Variants in CAMTA1 observed in about 807,000 individuals in gnomAD.
CAMTA1 encodes the protein calmodulin binding transcription activator 1, also known as calmodulin-binding transcription activator 1.
In CAMTA1, 27 loss-of-function variants were observed where a neutral mutation model predicts 170.9. That is an observed-to-expected ratio of 0.16 (90% CI 0.12 to 0.22). The LOEUF is 0.22. Among genes scored for constraint, CAMTA1 ranks in the 10% least tolerant of loss-of-function variants. The pLI, the probability that CAMTA1 is intolerant of heterozygous loss-of-function variation, is 1.00. For synonymous variants in CAMTA1, 833 were observed against 891.5 expected, an observed-to-expected ratio of 0.93 and a Z score of 1.17; for missense variants, 1,619 against 2,217.2, an observed-to-expected ratio of 0.73 and a Z score of 5.42.
rs12561833 is a variant in CAMTA1, at chr1:7,436,602, G to T, written c.439-31228G>T. 2.5e-3 allele frequency among the ~76,000 whole-genome samples: 388 copies of T among 152,310 alleles called. 6 individuals carry two copies. The East Asian group carries it at 0.041, about 16-fold the overall frequency. Reference sequence around the variant, plus strand: ...CGGTAAGGGGTCCCTCCTTGCCAGGGCCTGGTCCCTCCTCCCAGCTCCCCA... The same window carrying T: ...CGGTAAGGGGTCCCTCCTTGCCAGGTCCTGGTCCCTCCTCCCAGCTCCCCA... On this transcript the variant is annotated intron_variant, in intron 5 of 22. Coordinates refer to ENST00000303635, the MANE Select transcript of CAMTA1 (RefSeq NM_015215.4).
intron 5 of CAMTA1, among the ~76,000 whole-genome samples, chr1:7,423,367 G>A (rs550872689): frequency 6.6e-6 from 1 of 152,062 alleles, no homozygotes; most frequent in Admixed American, 6.5e-5. Flanking sequence ...CTACTTGGGA[G>A]GCTGAGGCAG....
At chr1:6,866,171 T>A (rs1051163085) in intron 3 of CAMTA1, among the ~76,000 whole-genome samples, 3 of 152,234 alleles carry the variant, frequency 2.0e-5, no homozygotes, top group African/African-American at 7.2e-5. Context: ...ATTGTGAACT[T>A]GTAATCAGAC....
At chr1:7,370,375 C>G (rs2086346688) in intron 5 of CAMTA1, 1 of 152,198 alleles carries the variant, frequency 6.6e-6, no homozygotes, top group Non-Finnish European at 1.5e-5. Flanking sequence ...CAACTATGCT[C>G]TGTGTTTTAT....
intron 4 of CAMTA1, among the ~76,000 whole-genome samples, chr1:7,166,582 G>A (rs1648489776): frequency 6.6e-6 from 1 of 152,128 alleles, no homozygotes; most frequent in South Asian, 2.1e-4. Context: ...TCTTCTCATA[G>A]AGGGTTATTG....
chr1:7,076,383 G>A lies in CAMTA1; in HGVS notation c.235-14921G>A, dbSNP rs115944948. Among the ~76,000 whole-genome samples, 1,048 of 152,282 alleles carry A rather than the reference G, an allele frequency of 6.9e-3. 18 individuals carry two copies. Among genetic ancestry groups the A allele is most frequent in the African/African-American group, 0.024 (999 of 41,558 alleles). On this transcript the variant is annotated intron_variant, in intron 3 of 22. Transcript: ENST00000303635. ...GGTTTTCAGGAAGATATATTTGATTGTGTTTTTTCCCTGCAGCCCATGCTG... is the reference window on the plus strand; with the variant it reads ...GGTTTTCAGGAAGATATATTTGATTATGTTTTTTCCCTGCAGCCCATGCTG...
chr1:7,734,406 C>T (rs1002110104), intron 12 of CAMTA1, among the ~76,000 whole-genome samples: 1 of 152,210 alleles, frequency 6.6e-6, no homozygotes, highest in African/African-American at 2.4e-5. Context: ...GCAGCTGGCT[C>T]AAACGCTATG....
At chr1:7,371,111 C>G (rs1414759876) in intron 5 of CAMTA1, among the ~76,000 whole-genome samples, 1 of 151,976 alleles carries the variant, frequency 6.6e-6, no homozygotes, top group Non-Finnish European at 1.5e-5. Flanking sequence ...CAGGGTTTCA[C>G]CGTGTTATCC....
chr1:7,682,937 C>T lies in CAMTA1; in HGVS notation c.2914+5204C>T, dbSNP rs553688065. 2.6e-5 allele frequency among the ~76,000 whole-genome samples: 4 copies of T among 152,168 alleles called. No homozygotes were observed. Among genetic ancestry groups the T allele is most frequent in the East Asian group, 1.9e-4 (1 of 5,170 alleles). On this transcript the variant is annotated intron_variant, in intron 11 of 22. Coordinates refer to ENST00000303635, the MANE Select transcript of CAMTA1 (RefSeq NM_015215.4). This position sits in a 1 kb window ranked among gnomAD's most constrained non-coding sequence, Gnocchi z 5.0. ...CTGTGATCCCAGCACTTTGGGAGGC[C>T]GAGGCAGGCGGATCACAAGGTCAGG...
At chr1:7,027,909 CTT>C (rs1174239473) in intron 3 of CAMTA1, among the ~76,000 whole-genome samples, 8 of 143,204 alleles carry the variant, frequency 5.6e-5, no homozygotes, top group Middle Eastern at 3.6e-3. Context: ...TTTTTCTTTT[CTT>C]TTTTTTTTTT....
chr1:7,297,352 G>T (rs772326486), intron 5 of CAMTA1, among the ~76,000 whole-genome samples: 2 of 152,150 alleles, frequency 1.3e-5, no homozygotes, highest in Admixed American at 1.3e-4. Flanking sequence ...TTTTTATTTT[G>T]CCCTTATTCC....
At chr1:7,208,553 A>G (rs1658180501) in intron 4 of CAMTA1, among the ~76,000 whole-genome samples, 1 of 152,166 alleles carries the variant, frequency 6.6e-6, no homozygotes, top group Non-Finnish European at 1.5e-5. Context: ...GAAGGTGTAA[A>G]TCAAGCCAGC....
intron 6 of CAMTA1, among the ~76,000 whole-genome samples, chr1:7,509,696 G>C (rs759300501): frequency 1.3e-5 from 2 of 152,160 alleles, no homozygotes; most frequent in Non-Finnish European, 2.9e-5. Flanking sequence ...CTGAGGCTGG[G>C]ACCCTACGGT....
chr1:6,848,841 C>T (rs555377754), intron 3 of CAMTA1, among the ~76,000 whole-genome samples: 1 of 152,194 alleles, frequency 6.6e-6, no homozygotes, highest in East Asian at 1.9e-4. Context: ...GTTTATGCAC[C>T]ATCTTAATAG....
In CAMTA1 at chr1:7,588,933, C is replaced by G. The variant is rs998233398; in HGVS notation, c.511-51467C>G. On this transcript the variant is annotated intron_variant, in intron 6 of 22. Transcript: ENST00000303635. The surrounding 1 kb of genome is among the most constrained non-coding windows in gnomAD (Gnocchi z 5.8). The stretch of plus-strand genomic sequence containing the variant: ...TCTGCCACGATCAGGGAAGACTGAT[C>G]GTGCTTGGATAAGTGCAGCTTAAAA... 9.2e-5 allele frequency among the ~76,000 whole-genome samples: 14 copies of G among 152,212 alleles called. No individual in the cohort carries two copies. The highest frequency in any genetic ancestry group is 3.4e-4 in the African/African-American group (14 of 41,458).
chr1:6,827,938 A>G (rs1647743647), intron 3 of CAMTA1, among the ~76,000 whole-genome samples: 3 of 152,174 alleles, frequency 2.0e-5, no homozygotes, highest in South Asian at 4.1e-4. Flanking sequence ...CTTAGATCCC[A>G]CTGAAGGGGC....
chr1:7,335,158 T>TGGTGG (rs2083299486), intron 5 of CAMTA1, among the ~76,000 whole-genome samples: 1 of 29,432 alleles, frequency 3.4e-5, no homozygotes, highest in Non-Finnish European at 6.6e-5. Flanking sequence ...GGGGGGGGGG[T>TGGTGG]GGGGGTGGGG....
chr1:7,542,409 T>C (rs574059748), intron 6 of CAMTA1, among the ~76,000 whole-genome samples: 1 of 152,338 alleles, frequency 6.6e-6, no homozygotes, highest in Admixed American at 6.5e-5. Context: ...CATTCACTGT[T>C]TCTCAAAACA....
intron 1 of CAMTA1, among the ~76,000 whole-genome samples, chr1:6,786,855 G>C (rs993918764): frequency 6.6e-6 from 1 of 152,254 alleles, no homozygotes; most frequent in African/African-American, 2.4e-5. Flanking sequence ...GTGAAAAGGG[G>C]CCACACTAGT....
intron 4 of CAMTA1, among the ~76,000 whole-genome samples, chr1:7,133,064 C>T (rs1645353195): frequency 6.6e-6 from 1 of 152,020 alleles, no homozygotes; most frequent in African/African-American, 2.4e-5. Flanking sequence ...CTTATAACAT[C>T]TTAGTCTGGT....
Sources: allele counts gnomAD v4.1 joint callset (sites outside exome capture counted in the v4.1 genomes callset), GRCh38; gene constraint gnomAD v4.1.1; non-coding constraint Gnocchi (gnomAD v3.1); transcripts MANE v1.5; gene names NCBI Gene and HGNC (gene_info 2026-07-23, HGNC 2026-07-21).